SSPN: variants seen among roughly 807,000 people sequenced by gnomAD.
SSPN encodes sarcospan, also known as K-ras oncogene-associated protein.
Under a neutral mutation model 19.1 loss-of-function variants are expected in SSPN, and 15 were observed. That is an observed-to-expected ratio of 0.78 (90% CI 0.52 to 1.21). The LOEUF (loss-of-function observed/expected upper bound fraction) is 1.21, where lower values mean the gene tolerates loss of function less well. Ranked by LOEUF, SSPN falls within the 50% of genes most tolerant of loss-of-function variation. SSPN has a pLI of 0.00. For synonymous variants in SSPN, 147 were observed against 140.3 expected (o/e 1.05, Z -0.34); for missense variants, 291 against 314.0 (o/e 0.93, Z 0.55).
intron 1 of SSPN, among the ~76,000 whole-genome samples, chr12:26,159,312 C>A (rs144923316): frequency 8.1e-4 from 123 of 152,376 alleles, no homozygotes; most frequent in South Asian, 4.3e-3. Context: ...GTCATGCAGG[C>A]AGGAGTTTGG....
intron 1 of SSPN, among the ~76,000 whole-genome samples, chr12:26,198,979 C>G (rs1034010353): frequency 6.6e-6 from 1 of 152,188 alleles, no homozygotes; most frequent in Admixed American, 6.5e-5. Flanking sequence ...TGAAGCCAAG[C>G]TGAGTGAGGC....
chr12:26,201,021 A>ATG (rs1555179530), intron 1 of SSPN, among the ~76,000 whole-genome samples: 1 of 43,770 alleles, frequency 2.3e-5, no homozygotes, highest in Non-Finnish European at 3.9e-5. Context: ...GTATATATAT[A>ATG]TATATATATA....
intron 1 of SSPN, among the ~76,000 whole-genome samples, chr12:26,160,905 C>T (rs902230565): frequency 1.3e-5 from 2 of 151,786 alleles, no homozygotes; most frequent in Admixed American, 1.3e-4. Flanking sequence ...GTCAGGAGTT[C>T]GAGACCAGCC....
Position 26,224,393 on chromosome 12 carries a change from G to A in SSPN, c.366+14G>A, listed in dbSNP as rs758287876. Reference sequence around the variant, plus strand: ...TTTTCTATGAAAGTAAGTTGTGATTGTTCTTTCTCTTTTATCATCACATAG... The same window carrying A: ...TTTTCTATGAAAGTAAGTTGTGATTATTCTTTCTCTTTTATCATCACATAG... On this transcript the variant is annotated intron_variant, in intron 2 of 2. Transcript: ENST00000242729. 10 of 1,587,768 alleles carry A rather than the reference G, an allele frequency of 6.3e-6. No homozygotes were observed. The highest frequency in any genetic ancestry group is 1.7e-4 in the Middle Eastern group (1 of 6,030).
chr12:26,231,753 A>G lies in SSPN; in HGVS notation c.*677A>G, dbSNP rs1435685813. The G allele has an allele frequency of 4.3e-6, 1 of 230,208 alleles. No homozygotes were observed. The highest frequency in any genetic ancestry group is 1.8e-4 in the East Asian group (1 of 5,556). 14.3% of individuals were successfully genotyped at this position (230,208 alleles called of 1,614,324 possible). A position where few individuals can be genotyped will look rare whatever the true frequency, so the allele number is the denominator to read the frequency against. ...AAATGCTTTAGATGATTGCCTCTCA[A>G]TAATTGAAAGGTGGTGGTAGTTGTA... On this transcript the variant is annotated 3_prime_UTR_variant, in exon 3 of 3. Transcript: ENST00000242729.
intron 1 of SSPN, among the ~76,000 whole-genome samples, chr12:26,129,659 T>C (rs1206959856): frequency 1.3e-5 from 2 of 152,224 alleles, no homozygotes; most frequent in African/African-American, 4.8e-5. Flanking sequence ...GTTTAATTTG[T>C]AAAGGACCTT....
intron 1 of SSPN, among the ~76,000 whole-genome samples, chr12:26,138,028 C>A (rs1944438830): frequency 6.6e-6 from 1 of 151,930 alleles, no homozygotes; most frequent in Non-Finnish European, 1.5e-5. Flanking sequence ...CAGGACCTCC[C>A]CCGACCCCAT....
Position 26,172,769 on chromosome 12 carries a change from T to C in SSPN, c.-31+50617T>C, listed in dbSNP as rs76513914. Among the ~76,000 whole-genome samples, 731 of 148,450 alleles carry C rather than the reference T, an allele frequency of 4.9e-3. 1 individual carries two copies. Among genetic ancestry groups the C allele is most frequent in the Non-Finnish European group, 7.5e-3 (500 of 66,628 alleles). On this transcript the variant is annotated intron_variant, in intron 1 of 2. Coordinates refer to the SSPN transcript ENST00000538142. ...TACATGGAATCCACTTTCTCTCTCT[T>C]TTTTTTTTTTTGAAACGGAGTCTTG...
intron 1 of SSPN, among the ~76,000 whole-genome samples, chr12:26,132,650 C>T (rs1331423606): frequency 1.3e-5 from 2 of 152,192 alleles, no homozygotes; most frequent in Admixed American, 1.3e-4. Context: ...GCCCTAGCTC[C>T]CTGATGGTGG....
chr12:26,159,748 G>T (rs1944576478), intron 1 of SSPN, among the ~76,000 whole-genome samples: 1 of 152,118 alleles, frequency 6.6e-6, no homozygotes, highest in South Asian at 2.1e-4. Flanking sequence ...CTACAAAGAG[G>T]CAGATGTTGG....
At chr12:26,214,467 T>C (rs558642317) in intron 1 of SSPN, among the ~76,000 whole-genome samples, 1 of 152,324 alleles carries the variant, frequency 6.6e-6, no homozygotes, top group East Asian at 1.9e-4. Flanking sequence ...GACCATGACA[T>C]TATTGTCTCC....
intron 1 of SSPN, among the ~76,000 whole-genome samples, chr12:26,220,975 C>G (rs1003213227): frequency 6.6e-6 from 1 of 152,180 alleles, no homozygotes; most frequent in African/African-American, 2.4e-5. Context: ...AGAATTGCTC[C>G]CATCCAATCC....
At chr12:26,170,156 A>G (rs1944645911) in intron 1 of SSPN, among the ~76,000 whole-genome samples, 1 of 152,250 alleles carries the variant, frequency 6.6e-6, no homozygotes, top group Admixed American at 6.5e-5. Context: ...CTCAACAATT[A>G]CGGGGACTCA....
In SSPN at chr12:26,209,350, T is replaced by C. The variant is rs555672106; in HGVS notation, c.279+13399T>C. Among the ~76,000 whole-genome samples, 12 of 152,242 alleles carry C rather than the reference T, an allele frequency of 7.9e-5. No homozygotes were observed. In the South Asian group the frequency reaches 2.1e-3, roughly 26 times the overall value. On this transcript the variant is annotated intron_variant, in intron 1 of 2. Coordinates refer to ENST00000242729, the MANE Select transcript of SSPN (RefSeq NM_005086.5). ...TTGGGAAAAATGTGGATTCTCTCAT[T>C]TTGGGGTTTAGGGTTCTATACTCAA...
intron 1 of SSPN, among the ~76,000 whole-genome samples, chr12:26,138,507 G>A (rs1944441465): frequency 6.6e-6 from 1 of 152,206 alleles, no homozygotes; most frequent in Non-Finnish European, 1.5e-5. Context: ...AATCTGGCCT[G>A]TCCAATGTGG....
At chr12:26,189,139 A>G (rs1035501660) in intron 1 of SSPN, among the ~76,000 whole-genome samples, 3 of 152,180 alleles carry the variant, frequency 2.0e-5, no homozygotes, top group Non-Finnish European at 4.4e-5. Flanking sequence ...AGTACTTCAT[A>G]GCCTATAAAG....
intron 1 of SSPN, among the ~76,000 whole-genome samples, chr12:26,168,988 AT>A (rs1165770616): frequency 1.3e-5 from 2 of 148,574 alleles, no homozygotes; most frequent in Admixed American, 6.7e-5. Flanking sequence ...AATGGTAGTG[AT>A]TTTTTTTTAT....
In SSPN at chr12:26,230,741, C is replaced by T; in HGVS notation, c.397C>T (p.Leu133=). Residue 133 remains leucine, a synonymous_variant, in exon 3 of 3, where the codon CTG becomes TTG. Transcript: ENST00000242729. ...ATACTTTCTGCTGAGTGCCCTGGGC[C>T]TGACGGTCTGTGTGCTGGCCGTGGC... ...LLYFLLSALG[L]TVCVLAVAFA... is the part of the protein sequence containing the mutation. 1 of 1,614,062 alleles carries T rather than the reference C, an allele frequency of 6.2e-7. No homozygotes were observed. The highest frequency in any genetic ancestry group is 8.5e-7 in the Non-Finnish European group (1 of 1,179,924).
chr12:26,221,092 C>T (rs180674584), intron 1 of SSPN, among the ~76,000 whole-genome samples: 2 of 152,334 alleles, frequency 1.3e-5, no homozygotes, highest in East Asian at 3.9e-4. Context: ...CTACTTCCTG[C>T]CTATTGCTGC....
Sources: allele counts gnomAD v4.1 joint callset (sites outside exome capture counted in the v4.1 genomes callset), GRCh38; gene constraint gnomAD v4.1.1; transcripts MANE v1.5; gene names NCBI Gene and HGNC (gene_info 2026-07-23, HGNC 2026-07-21).